Variants in TCHP observed in about 807,000 individuals in gnomAD.
TCHP encodes trichoplein keratin filament-binding protein.
A neutral mutation model predicts 88.7 loss-of-function variants in TCHP; 81 were observed. That is an observed-to-expected ratio of 0.91 (90% CI 0.76 to 1.10). The LOEUF is 1.10. Among genes scored for constraint, TCHP ranks in the 50% least tolerant of loss-of-function variants. The pLI is 0.00. For missense variants in TCHP, 641 were observed against 632.1 expected, an observed-to-expected ratio of 1.01 and a Z score of -0.15; for synonymous variants, 232 against 232.5, an observed-to-expected ratio of 1.00 and a Z score of 0.02.
chr12:109,908,941 A>G lies in TCHP; in HGVS notation c.879+4A>G, dbSNP rs1307189572. 1 of 1,614,146 alleles carries G rather than the reference A, an allele frequency of 6.2e-7. No homozygotes were observed. The highest frequency in any genetic ancestry group is 2.2e-5 in the East Asian group (1 of 44,892). On this transcript the variant is annotated splice_donor_region_variant and intron_variant, in intron 8 of 12. Transcript: ENST00000405876. Reference sequence around the variant, plus strand: ...ACAGCAGATCCAAGAGGAGCTGGTAAGTCTGAAGAGACAGCCTGACATCTT... The same window carrying G: ...ACAGCAGATCCAAGAGGAGCTGGTAGGTCTGAAGAGACAGCCTGACATCTT...
chr12:109,901,094 G>C (rs900965775), intron 1 of TCHP: 3 of 152,186 alleles, frequency 2.0e-5, no homozygotes, highest in Non-Finnish European at 4.4e-5. Context: ...ATACTTCCGA[G>C]TGTTATTATC....
At chr12:109,904,970 T>C (rs1394699810) in intron 4 of TCHP, 177 bp downstream of exon 4, 11 of 595,080 alleles carry the variant, frequency 1.8e-5, no homozygotes, top group African/African-American at 3.7e-5. Flanking sequence ...GCTCATTCGG[T>C]TGTTGAACAA....
At chr12:109,895,389 T>A (rs1330965380), upstream of TCHP, among the ~76,000 whole-genome samples, 1 of 151,018 alleles carries the variant, frequency 6.6e-6, no homozygotes, top group East Asian at 2.0e-4. Flanking sequence ...AAAAAAAAAA[T>A]TTGGGTGGAG....
chr12:109,910,928 T>C (rs888136000), intron 8 of TCHP, 135 bp from the exon 9 acceptor site: 90 of 1,307,014 alleles, frequency 6.9e-5, no homozygotes, highest in Middle Eastern at 2.4e-4. Context: ...GATCTTCCCA[T>C]CTCTGTCTTG....
chr12:109,912,033 AT>A (rs1870528778), intron 9 of TCHP, among the ~76,000 whole-genome samples: 1 of 152,124 alleles, frequency 6.6e-6, no homozygotes, highest in African/African-American at 2.4e-5. Context: ...TGACCTTGTG[AT>A]CCGCCAGCGT....
At chr12:109,912,107 T>C (rs1253693707) in intron 9 of TCHP, among the ~76,000 whole-genome samples, 2 of 152,188 alleles carry the variant, frequency 1.3e-5, no homozygotes, top group Non-Finnish European at 2.9e-5. Context: ...AGGAAGTTAT[T>C]ATAGAGATGT....
the TCHP span, among the ~76,000 whole-genome samples, chr12:109,888,649 C>T: frequency 5.3e-4 from 80 of 152,290 alleles, no homozygotes; most frequent in African/African-American, 1.9e-3. Context: ...CCAATAAACG[C>T]ACCTTCTTTA....
chr12:109,883,199 ATTT>A, the TCHP span, among the ~76,000 whole-genome samples: 3 of 127,710 alleles, frequency 2.3e-5, no homozygotes, highest in Non-Finnish European at 3.3e-5. Context: ...ATGCTACCCT[ATTT>A]TTTTTTTTTT....
chr12:109,886,456 G>T, the TCHP span, among the ~76,000 whole-genome samples: 1 of 151,898 alleles, frequency 6.6e-6, no homozygotes, highest in Non-Finnish European at 1.5e-5. Context: ...TTTATTTAGT[G>T]GCTCAAATTG....
chr12:109,916,660 C>G lies in TCHP; in HGVS notation c.*37C>G. 3 of 1,603,682 alleles carry G rather than the reference C, an allele frequency of 1.9e-6. No homozygotes were observed. The highest frequency in any genetic ancestry group is 2.6e-6 in the Non-Finnish European group (3 of 1,175,426). ...CCATAAGTACAGAGAACAAGGGATG[C>G]TGAGGCTTCTGATCCCAGCCGCCAG... On this transcript the variant is annotated 3_prime_UTR_variant, in exon 13 of 13. Transcript: ENST00000405876.
At chr12:109,885,996 A>C in the TCHP span, among the ~76,000 whole-genome samples, 1 of 152,138 alleles carries the variant, frequency 6.6e-6, no homozygotes, top group Admixed American at 6.6e-5. Context: ...CTGTAAAGCT[A>C]TTCTCTTCCT....
chr12:109,893,803 G>A, the TCHP span, among the ~76,000 whole-genome samples: 1 of 152,210 alleles, frequency 6.6e-6, no homozygotes, highest in Non-Finnish European at 1.5e-5. Context: ...AGCGAGCAGG[G>A]TTTGCATAGC....
At chr12:109,912,543 C>T (rs1020405019) in intron 9 of TCHP, among the ~76,000 whole-genome samples, 4 of 152,184 alleles carry the variant, frequency 2.6e-5, no homozygotes, top group African/African-American at 9.7e-5. Context: ...GTAATCCCAG[C>T]ACTTTGGGAG....
At chr12:109,901,295 C>T (rs947448737) in intron 1 of TCHP, among the ~76,000 whole-genome samples, 2 of 152,224 alleles carry the variant, frequency 1.3e-5, no homozygotes, top group Admixed American at 6.5e-5. Flanking sequence ...TTTTTACTAA[C>T]CTTGTTTTTT....
chr12:109,885,486 T>G, the TCHP span, among the ~76,000 whole-genome samples: 2 of 148,462 alleles, frequency 1.3e-5, no homozygotes, highest in African/African-American at 5.0e-5. Context: ...TGGTTTTTTT[T>G]TTTTTTTTTT....
chr12:109,904,067 C>A lies in TCHP; in HGVS notation c.319C>A (p.Leu107Met). The stretch of plus-strand genomic sequence containing the variant: ...GGCCAGAGAACTGGAGGAGCTGAGG[C>A]TGAGCATGAACTTGCAGGAAAGAAG... ...LLARELEELRLSMNLQERRIR... is the reference protein window; with the variant it reads ...LLARELEELRMSMNLQERRIR... The change falls in exon 3 of 13, where the codon CTG becomes ATG. Residue 107 changes from leucine (L) to methionine (M), a missense_variant. Physicochemically the swap from Leu to Met is conservative, Grantham distance 15. Coordinates refer to ENST00000405876, the MANE Select transcript of TCHP (RefSeq NM_001143852.2). 6.2e-7 allele frequency: 1 copy of A among 1,603,248 alleles called. No individual in the cohort carries two copies. Among genetic ancestry groups the A allele is most frequent in the Admixed American group, 1.7e-5 (1 of 58,264 alleles).
intron 9 of TCHP, 120 bp from the exon 10 acceptor site, chr12:109,912,871 G>A: frequency 1.4e-6 from 1 of 738,264 alleles, no homozygotes; most frequent in Non-Finnish European, 2.4e-6. Flanking sequence ...AGTGCATGTG[G>A]ATGTTTATCT....
chr12:109,912,242 C>T (rs1697853017), intron 9 of TCHP, among the ~76,000 whole-genome samples: 1 of 152,218 alleles, frequency 6.6e-6, no homozygotes, highest in Non-Finnish European at 1.5e-5. Flanking sequence ...GTGCCGGGTG[C>T]TTTACAGGCC....
At chr12:109,890,332 G>A in the TCHP span, among the ~76,000 whole-genome samples, 1 of 151,696 alleles carries the variant, frequency 6.6e-6, no homozygotes, top group South Asian at 2.1e-4. Context: ...AGCTGGGCAT[G>A]GGGGCGCATG....
Sources: gnomAD v4.1 joint callset for allele counts (sites outside exome capture counted in the v4.1 genomes callset) on GRCh38, gnomAD v4.1.1 for gene constraint, MANE v1.5 for transcripts, NCBI Gene and HGNC (gene_info 2026-07-23, HGNC 2026-07-21) for gene names.